The following YWHAB variants were observed in gnomAD, a reference collection of about 807,000 sequenced individuals.
YWHAB encodes tyrosine 3-monooxygenase/tryptophan 5-monooxygenase activation protein beta, also known as 14-3-3 protein beta/alpha.
In YWHAB, 2 loss-of-function variants were observed where a neutral mutation model predicts 28.5. That is an observed-to-expected ratio of 0.07 (90% CI 0.03 to 0.22). The LOEUF (loss-of-function observed/expected upper bound fraction) is 0.22. Among genes scored for constraint, YWHAB ranks in the 10% least tolerant of loss-of-function variants. The pLI is 1.00. For synonymous variants in YWHAB, 103 were observed against 104.7 expected (o/e 0.98, Z 0.10); for missense variants, 148 against 297.1 (o/e 0.50, Z 3.69).
At chr20:44,902,301 G>C (rs761494509) in intron 2 of YWHAB, 1 of 153,588 alleles carries the variant, frequency 6.5e-6, no homozygotes, top group Non-Finnish European at 1.4e-5. Context: ...CATCCATCAA[G>C]TTCGGCATGC....
chr20:44,892,893 A>G (rs894413388), intron 1 of YWHAB, among the ~76,000 whole-genome samples: 3 of 152,218 alleles, frequency 2.0e-5, no homozygotes, highest in Non-Finnish European at 4.4e-5. Context: ...GTAATTCCTG[A>G]CATATAATAA....
chr20:44,901,550 G>A lies in YWHAB; in HGVS notation c.17G>A (p.Ser6Asn). Residue 6 changes from serine (S) to asparagine (N), a missense_variant, in exon 2 of 6, where the codon AGT becomes AAT. By Grantham distance (46) the Ser-to-Asn change is conservative. Around this residue, in one of 2 missense-constraint regions of YWHAB, gnomAD observed 110 missense variants for 177.9 expected, o/e 0.62. Coordinates refer to ENST00000353703, the MANE Select transcript of YWHAB (RefSeq NM_139323.4). ...TTCTAGGGAATGACAATGGATAAAAGTGAGCTGGTACAGAAAGCCAAACTC... is the reference window on the plus strand; with the variant it reads ...TTCTAGGGAATGACAATGGATAAAAATGAGCTGGTACAGAAAGCCAAACTC... Reference protein sequence around the residue: MTMDKSELVQKAKLAE... With the variant: MTMDKNELVQKAKLAE... The A allele has an allele frequency of 6.2e-7, 1 of 1,600,394 alleles. No individual in the cohort carries two copies. Among genetic ancestry groups the A allele is most frequent in the Non-Finnish European group, 8.6e-7 (1 of 1,168,802 alleles).
intron 2 of YWHAB, 149 bp from the exon 3 acceptor site, chr20:44,903,844 A>C: frequency 1.1e-6 from 1 of 880,150 alleles, no homozygotes. Context: ...GACCTGGGCT[A>C]AACAACATTT....
chr20:44,899,060 C>T (rs531168952), intron 1 of YWHAB, among the ~76,000 whole-genome samples: 6 of 152,224 alleles, frequency 3.9e-5, no homozygotes, highest in Admixed American at 1.3e-4. Flanking sequence ...TGCAGTGAGC[C>T]GAGGTTGCGT....
chr20:44,888,180 A>G (rs944586300), intron 1 of YWHAB, among the ~76,000 whole-genome samples: 1 of 152,210 alleles, frequency 6.6e-6, no homozygotes, highest in Non-Finnish European at 1.5e-5. Flanking sequence ...ATGAATATAC[A>G]CGTGTATAGA....
At position 44,907,410 on chromosome 20, in the gene YWHAB, A is replaced by G. The variant is rs2066664522; in HGVS notation, c.*972A>G. Reference sequence around the variant, plus strand: ...GTGCCCTGTGGTTGCACCTGTGAATAACTGCACTCCAGCCTGGGCAACATA... The same window carrying G: ...GTGCCCTGTGGTTGCACCTGTGAATGACTGCACTCCAGCCTGGGCAACATA... On this transcript the variant is annotated 3_prime_UTR_variant, in exon 6 of 6. Transcript: ENST00000353703. The G allele has an allele frequency of 6.6e-6, 1 of 152,182 alleles. No homozygotes were observed. The highest frequency in any genetic ancestry group is 1.5e-5 in the Non-Finnish European group (1 of 68,060). The allele number at this position is 152,182 out of a possible 1,614,324, so 9.4% of individuals were successfully genotyped here.
In YWHAB at chr20:44,887,312, C is replaced by T. The variant is rs898991960; in HGVS notation, c.-4+1426C>T. ...CTTTCAAAATGGAAGGCTAATAATC[C>T]TGTAGCAACTGCAGAATTATTTTCC... On this transcript the variant is annotated intron_variant, in intron 1 of 5. Coordinates refer to ENST00000353703, the MANE Select transcript of YWHAB (RefSeq NM_139323.4). 2.6e-5 allele frequency: 4 copies of T among 152,160 alleles called. No homozygotes were observed. In the South Asian group the frequency reaches 8.3e-4, roughly 32 times the overall value. 9.4% of individuals were successfully genotyped at this position (152,160 alleles called of 1,614,324 possible). A position where few individuals can be genotyped will look rare whatever the true frequency, so the allele number is the denominator to read the frequency against.
intron 1 of YWHAB, among the ~76,000 whole-genome samples, chr20:44,888,508 G>A (rs939718669): frequency 1.3e-5 from 2 of 152,228 alleles, no homozygotes; most frequent in Non-Finnish European, 2.9e-5. Context: ...AGGTGATCTG[G>A]TTCTGAGGAA....
intron 1 of YWHAB, among the ~76,000 whole-genome samples, chr20:44,889,975 T>G (rs979033407): frequency 3.3e-5 from 5 of 152,296 alleles, no homozygotes; most frequent in Admixed American, 3.3e-4. Context: ...CCTGAATGAG[T>G]TAACTCTTTG....
At chr20:44,905,254 G>A (rs1431764836) in intron 4 of YWHAB, 123 bp downstream of exon 4, 52 of 958,434 alleles carry the variant, frequency 5.4e-5, no homozygotes, top group Non-Finnish European at 7.6e-5. Flanking sequence ...GGGGGTGGGA[G>A]TGTATCTTTT....
chr20:44,886,010 C>A (rs555516487), intron 1 of YWHAB, 124 bp downstream of exon 1: 4 of 152,260 alleles, frequency 2.6e-5, no homozygotes, highest in Non-Finnish European at 5.9e-5. Flanking sequence ...CTGCCTCTTT[C>A]GCTCCGCGCG....
rs998493444 is a variant in YWHAB, at chr20:44,908,062, C to G, written c.*1624C>G. On this transcript the variant is annotated 3_prime_UTR_variant, in exon 6 of 6. Transcript: ENST00000353703. ...CTATCAGTCTCACAGAATCACCCCT[C>G]TACCTTTGATATTCCACTTAGCTGT... 1 of 152,320 alleles carries G rather than the reference C, an allele frequency of 6.6e-6. No homozygotes were observed. 9.4% of individuals were successfully genotyped at this position (152,320 alleles called of 1,614,324 possible). A position where few individuals can be genotyped will look rare whatever the true frequency, so the allele number is the denominator to read the frequency against.
intron 2 of YWHAB, 80 bp downstream of exon 2, chr20:44,901,913 A>G (rs768928736): frequency 4.2e-6 from 6 of 1,421,738 alleles, no homozygotes; most frequent in Non-Finnish European, 5.6e-6. Flanking sequence ...CTCTCAAAAC[A>G]GCTTATGAGA....
intron 3 of YWHAB, 125 bp downstream of exon 3, chr20:44,904,241 G>A: frequency 7.9e-7 from 1 of 1,265,518 alleles, no homozygotes. Context: ...GAATTTAAAA[G>A]ACCACAGCAT....
At chr20:44,903,000 T>C in intron 2 of YWHAB, 1 of 966,112 alleles carries the variant, frequency 1.0e-6, no homozygotes. Context: ...TGAAAGAATG[T>C]GAAGAAGAGC....
At chr20:44,893,610 C>G (rs1258761025) in intron 1 of YWHAB, among the ~76,000 whole-genome samples, 2 of 150,994 alleles carry the variant, frequency 1.3e-5, no homozygotes, top group Non-Finnish European at 2.9e-5. Context: ...CCCCATTGCT[C>G]TTAAATAAAT....
chr20:44,905,277 CAGAT>C, intron 4 of YWHAB, 146 bp downstream of exon 4: 3 of 677,980 alleles, frequency 4.4e-6, no homozygotes, highest in East Asian at 3.1e-5. Flanking sequence ...GAGATAAATA[CAGAT>C]CTGTTACTTT....
chr20:44,889,280 TGAG>T (rs750988338), intron 1 of YWHAB, among the ~76,000 whole-genome samples: 1 of 152,174 alleles, frequency 6.6e-6, no homozygotes, highest in Non-Finnish European at 1.5e-5. Flanking sequence ...GGGGAATACT[TGAG>T]GAAACAGACT....
chr20:44,894,762 A>G (rs908258608), intron 1 of YWHAB, among the ~76,000 whole-genome samples: 1 of 152,336 alleles, frequency 6.6e-6, no homozygotes. Context: ...CTACTGAGGT[A>G]GATGCCATCT....
Sources: gnomAD v4.1 joint callset for allele counts (sites outside exome capture counted in the v4.1 genomes callset) on GRCh38, gnomAD v4.1.1 for gene constraint, gnomAD v4.1.1 regional missense constraint, MANE v1.5 for transcripts, NCBI Gene and HGNC (gene_info 2026-07-23, HGNC 2026-07-21) for gene names.